Variants in LRRC25 observed in about 807,000 individuals in gnomAD.
The protein encoded by LRRC25 is leucine rich repeat containing 25.
Under a neutral mutation model 18.8 loss-of-function variants are expected in LRRC25, and 5 were observed. The observed-to-expected ratio is 0.27, with a 90% CI of 0.14 to 0.56. The LOEUF (loss-of-function observed/expected upper bound fraction) is 0.56. Ranked by LOEUF, LRRC25 falls within the 20% of genes least tolerant of loss-of-function variation. The pLI, the probability that LRRC25 is intolerant of heterozygous loss-of-function variation, is 0.93. For missense variants in LRRC25, 341 were observed against 389.8 expected, an observed-to-expected ratio of 0.87 and a Z score of 1.05; for synonymous variants, 161 against 176.8, an observed-to-expected ratio of 0.91 and a Z score of 0.71.
In LRRC25 at chr19:18,396,584, C is replaced by T. The variant is rs1971972713; in HGVS notation, c.380G>A (p.Arg127His). Reference sequence around the variant, plus strand: ...CTTCTGGCCAGAGCAGTTGTCTCGGCGGATGTCGTGCCAGGACTCCAGGGC... The same window carrying T: ...CTTCTGGCCAGAGCAGTTGTCTCGGTGGATGTCGTGCCAGGACTCCAGGGC... ...NCALESWHDIRRDNCSGQKPL... is the reference protein window; with the variant it reads ...NCALESWHDIHRDNCSGQKPL... Residue 127 changes from arginine (R) to histidine (H), a missense_variant, in exon 1 of 2, where the codon CGC becomes CAC. Arg to His is a conservative substitution (Grantham distance 29, BLOSUM62 0). Transcript: ENST00000339007. 5 of 1,613,728 alleles carry T rather than the reference C, an allele frequency of 3.1e-6. No individual in the cohort carries two copies. Among genetic ancestry groups the T allele is most frequent in the South Asian group, 1.1e-5 (1 of 91,090 alleles).
In LRRC25 at chr19:18,396,603, C is replaced by T; in HGVS notation, c.361G>A (p.Glu121Lys). Residue 121 changes from glutamate to lysine, a missense_variant, in exon 1 of 2, where the codon GAG (glutamate) becomes AAG (lysine). Transcript: ENST00000339007. The stretch of plus-strand genomic sequence containing the variant: ...TCTCGGCGGATGTCGTGCCAGGACT[C>T]CAGGGCACAGTTGCAGTCGGCCTGC... ...DLQADCNCAL[E>K]SWHDIRRDNC... The T allele has an allele frequency of 6.2e-7, 1 of 1,613,944 alleles. No individual in the cohort carries two copies. Among genetic ancestry groups the T allele is most frequent in the Non-Finnish European group, 8.5e-7 (1 of 1,180,040 alleles).
chr19:18,394,702 G>A (rs12974786), intron 1 of LRRC25, among the ~76,000 whole-genome samples: 40 of 152,136 alleles, frequency 2.6e-4, no homozygotes, highest in Non-Finnish European at 4.9e-4. Context: ...CCTTGGCCTC[G>A]AAAAGTGCTG....
At position 18,391,642 on chromosome 19, in the gene LRRC25, C is replaced by T; in HGVS notation, c.*345G>A. On this transcript the variant is annotated 3_prime_UTR_variant, in exon 2 of 2. Coordinates refer to ENST00000339007, the MANE Select transcript of LRRC25 (RefSeq NM_145256.3). Reference sequence around the variant, plus strand: ...ACTTGGTCTTAGAACTCAGAAATCCCCACCTTGAGGAACCCACGCACCCTG... The same window carrying T: ...ACTTGGTCTTAGAACTCAGAAATCCTCACCTTGAGGAACCCACGCACCCTG... 5.1e-6 allele frequency: 1 copy of T among 194,964 alleles called. No individual in the cohort carries two copies. Among genetic ancestry groups the T allele is most frequent in the South Asian group, 1.1e-4 (1 of 8,950 alleles). The allele number at this position is 194,964 out of a possible 1,614,324, so 12.1% of individuals were successfully genotyped here. A position where few individuals can be genotyped will look rare whatever the true frequency, so the allele number is the denominator to read the frequency against.
intron 1 of LRRC25, among the ~76,000 whole-genome samples, chr19:18,394,550 C>A (rs141355632): frequency 7.9e-5 from 12 of 152,274 alleles, no homozygotes; most frequent in African/African-American, 2.9e-4. Context: ...CGTGATCCTC[C>A]TGCCTTGGCC....
At chr19:18,394,420 C>T (rs2144622060) in intron 1 of LRRC25, among the ~76,000 whole-genome samples, 1 of 151,756 alleles carries the variant, frequency 6.6e-6, no homozygotes, top group African/African-American at 2.4e-5. Context: ...ATTCTTCTTG[C>T]CTCAGCCTCC....
chr19:18,391,770 T>G lies in LRRC25; in HGVS notation c.*217A>C. On this transcript the variant is annotated 3_prime_UTR_variant, in exon 2 of 2. Coordinates refer to ENST00000339007, the MANE Select transcript of LRRC25 (RefSeq NM_145256.3). Reference sequence around the variant, plus strand: ...CACAGTGACCGTCCTGTCCCCTTGTTGGGGGTCTCTCCTCTTCCCCCTCTA... The same window carrying G: ...CACAGTGACCGTCCTGTCCCCTTGTGGGGGGTCTCTCCTCTTCCCCCTCTA... The G allele has an allele frequency of 3.9e-6, 2 of 511,506 alleles. No individual in the cohort carries two copies. Among genetic ancestry groups the G allele is most frequent in the Non-Finnish European group, 3.5e-6 (1 of 281,990 alleles). 31.7% of individuals were successfully genotyped at this position (511,506 alleles called of 1,614,324 possible). A position where few individuals can be genotyped will look rare whatever the true frequency, so the allele number is the denominator to read the frequency against.
At chr19:18,392,879 C>T (rs1971919441) in intron 1 of LRRC25, among the ~76,000 whole-genome samples, 1 of 151,804 alleles carries the variant, frequency 6.6e-6, no homozygotes, top group African/African-American at 2.4e-5. Context: ...AGTCCCATCT[C>T]CTCGGGAGGC....
Position 18,397,252 on chromosome 19 carries a change from C to T in LRRC25, c.-289G>A, listed in dbSNP as rs979954917. The T allele has an allele frequency of 2.3e-6, 1 of 443,478 alleles. No individual in the cohort carries two copies. The highest frequency in any genetic ancestry group is 4.1e-6 in the Non-Finnish European group (1 of 244,710). The allele number at this position is 443,478 out of a possible 1,614,324, so 27.5% of individuals were successfully genotyped here. ...ATGTCCTGAACATTTGGGGCGCCCT[C>T]GTTGGCCAGGACGGGACCCTATGCA... is the stretch of plus-strand genomic sequence containing the variant. On this transcript the variant is annotated 5_prime_UTR_variant, in exon 1 of 2. Coordinates refer to ENST00000339007, the MANE Select transcript of LRRC25 (RefSeq NM_145256.3).
At chr19:18,393,487 G>A (rs114006787) in intron 1 of LRRC25, among the ~76,000 whole-genome samples, 8 of 152,092 alleles carry the variant, frequency 5.3e-5, no homozygotes, top group East Asian at 1.9e-4. Flanking sequence ...GATGGTGGGC[G>A]CCTGTAATCC....
rs1047291715 is a variant in LRRC25 at position 18,392,497 on chromosome 19, G to GA, written c.780-373dup. On this transcript the variant is annotated intron_variant, in intron 1 of 1. Transcript: ENST00000339007. The stretch of plus-strand genomic sequence containing the variant: ...ACAGAGCAAGACTCTATCTCAGAAG[G>GA]AAAAAAAAAAAGAAAGCTTCAGAGT... Among the ~76,000 whole-genome samples the GA allele has an allele frequency of 4.0e-4, 57 of 143,208 alleles. 1 individual carries two copies. The highest frequency in any genetic ancestry group is 6.1e-4 in the African/African-American group (24 of 39,192). The allele number at this position is 143,208 out of a possible 152,430, so 94.0% of individuals were successfully genotyped here.
Position 18,392,208 on chromosome 19 carries a change from G to A in LRRC25, c.780-83C>T. The stretch of plus-strand genomic sequence containing the variant: ...CACATGAGCTTTGAGAAAGTCCAGA[G>A]TGGGCCAGGTGCTCTGACTCACGCC... On this transcript the variant is annotated intron_variant, in intron 1 of 1. Coordinates refer to ENST00000339007, the MANE Select transcript of LRRC25 (RefSeq NM_145256.3). 6 of 1,450,648 alleles carry A rather than the reference G, an allele frequency of 4.1e-6. No individual in the cohort carries two copies. The South Asian group carries it at 5.8e-5, about 14-fold the overall frequency. 89.9% of individuals were successfully genotyped at this position (1,450,648 alleles called of 1,614,324 possible). A position where few individuals can be genotyped will look rare whatever the true frequency, so the allele number is the denominator to read the frequency against.
In LRRC25 at chr19:18,391,512, TG is replaced by T; in HGVS notation, c.*474del. ...GAGACCGCAGCATTGCACTCCAGCC[TG>T]GGTGACAGAGTGACACTCAGTTTCA... is the stretch of plus-strand genomic sequence containing the variant. On this transcript the variant is annotated 3_prime_UTR_variant, in exon 2 of 2. Coordinates refer to ENST00000339007, the MANE Select transcript of LRRC25 (RefSeq NM_145256.3). The T allele has an allele frequency of 6.4e-6, 1 of 156,394 alleles. No individual in the cohort carries two copies. The highest frequency in any genetic ancestry group is 1.4e-5 in the Non-Finnish European group (1 of 70,098). 9.7% of individuals were successfully genotyped at this position (156,394 alleles called of 1,614,324 possible). A position where few individuals can be genotyped will look rare whatever the true frequency, so the allele number is the denominator to read the frequency against.
At chr19:18,393,078 G>A (rs888435589) in intron 1 of LRRC25, among the ~76,000 whole-genome samples, 3 of 152,160 alleles carry the variant, frequency 2.0e-5, no homozygotes, top group Admixed American at 6.6e-5. Context: ...CTCTGGCCAC[G>A]TCAGTCACAT....
rs780632586 is a variant in LRRC25 at position 18,396,721 on chromosome 19, A to C, written c.243T>G (p.Phe81Leu). 6.2e-7 allele frequency: 1 copy of C among 1,614,122 alleles called. No homozygotes were observed. Among genetic ancestry groups the C allele is most frequent in the Admixed American group, 1.7e-5 (1 of 59,996 alleles). Residue 81 changes from phenylalanine to leucine, a missense_variant, in exon 1 of 2, where the codon TTT becomes TTG. Transcript: ENST00000339007. ...GGACCTCAAGCTTCTGCAGGTGGGC[A>C]AAGAAGGTCACTGGAAGCTCTCGCA... ...NGLRELPVTFFAHLQKLEVLN... is the reference protein window; with the variant it reads ...NGLRELPVTFLAHLQKLEVLN...
rs1971891571 is a variant in LRRC25, at chr19:18,391,160, T to A, written c.*827A>T. ...TATTAGAGCTAAAGGAATATATACA[T>A]TTTTTTATTTTGGGGTTGGTGTGGG... On this transcript the variant is annotated 3_prime_UTR_variant, in exon 2 of 2. Transcript: ENST00000339007. 1 of 152,182 alleles carries A rather than the reference T, an allele frequency of 6.6e-6. No homozygotes were observed. Among genetic ancestry groups the A allele is most frequent in the South Asian group, 2.1e-4 (1 of 4,832 alleles). 9.4% of individuals were successfully genotyped at this position (152,182 alleles called of 1,614,324 possible). A position where few individuals can be genotyped will look rare whatever the true frequency, so the allele number is the denominator to read the frequency against.
Position 18,396,305 on chromosome 19 carries a change from C to T in LRRC25, c.659G>A (p.Arg220Gln), listed in dbSNP as rs144972446. 52 of 1,613,670 alleles carry T rather than the reference C, an allele frequency of 3.2e-5. No individual in the cohort carries two copies. The highest frequency in any genetic ancestry group is 2.5e-4 in the East Asian group (11 of 44,896). ...GPKPGLGLQP[R>Q]YGSRSAPKPQ... ...CTTGGGGGCGCTCCGGCTGCCGTAC[C>T]GTGGCTGCAAGCCTAAACCGGGCTT... The change falls in exon 1 of 2, where the codon CGG becomes CAG. Residue 220 changes from arginine to glutamine, a missense_variant. Coordinates refer to ENST00000339007, the MANE Select transcript of LRRC25 (RefSeq NM_145256.3).
At chr19:18,393,610 G>A (rs993157165) in intron 1 of LRRC25, among the ~76,000 whole-genome samples, 4 of 146,472 alleles carry the variant, frequency 2.7e-5, no homozygotes, top group Admixed American at 6.8e-5. Flanking sequence ...GACAGAGCGG[G>A]AAAAAAAAAA....
At position 18,392,142 on chromosome 19, in the gene LRRC25, A is replaced by T; in HGVS notation, c.780-17T>A. The T allele has an allele frequency of 6.2e-7, 1 of 1,611,528 alleles. No individual in the cohort carries two copies. Among genetic ancestry groups the T allele is most frequent in the Non-Finnish European group, 8.5e-7 (1 of 1,178,032 alleles). On this transcript the variant is annotated splice_polypyrimidine_tract_variant and intron_variant, in intron 1 of 1. Coordinates refer to ENST00000339007, the MANE Select transcript of LRRC25 (RefSeq NM_145256.3). Reference sequence around the variant, plus strand: ...GGGTGAGCCCTGGGGGGACAGACAGACCAGGGGTAAGTGTGGGAGGGGGAG... The same window carrying T: ...GGGTGAGCCCTGGGGGGACAGACAGTCCAGGGGTAAGTGTGGGAGGGGGAG...
In LRRC25 at chr19:18,391,856, G is replaced by A; in HGVS notation, c.*131C>T. On this transcript the variant is annotated 3_prime_UTR_variant, in exon 2 of 2. Coordinates refer to ENST00000339007, the MANE Select transcript of LRRC25 (RefSeq NM_145256.3). ...GGGAGGGGGCGGCAGAGCTTCCTGG[G>A]GCCTCAAGGACAATCCTTTCCTGTA... 4.4e-6 allele frequency: 5 copies of A among 1,134,998 alleles called. No homozygotes were observed. The highest frequency in any genetic ancestry group is 1.5e-5 in the South Asian group (1 of 65,274). 70.3% of individuals were successfully genotyped at this position (1,134,998 alleles called of 1,614,324 possible).
Sources: gnomAD v4.1 joint callset for allele counts (sites outside exome capture counted in the v4.1 genomes callset) on GRCh38, gnomAD v4.1.1 for gene constraint, MANE v1.5 for transcripts, NCBI Gene and HGNC (gene_info 2026-07-23, HGNC 2026-07-21) for gene names.